The following AGAP1 variants were observed in gnomAD, a reference collection of about 807,000 sequenced individuals.
AGAP1 encodes ArfGAP with GTPase domain, ankyrin repeat and PH domain 1.
A neutral mutation model predicts 105.3 loss-of-function variants in AGAP1; 29 were observed. The observed-to-expected ratio is 0.28, with a 90% CI of 0.21 to 0.38. The LOEUF is 0.38. Among genes scored for constraint, AGAP1 ranks in the 10% least tolerant of loss-of-function variants. The pLI is 1.00. For missense variants in AGAP1, 998 were observed against 1,165.1 expected, an observed-to-expected ratio of 0.86 and a Z score of 2.09; for synonymous variants, 509 against 485.9, an observed-to-expected ratio of 1.05 and a Z score of -0.63.
At chr2:235,567,662 G>A (rs971375335) in intron 1 of AGAP1, among the ~76,000 whole-genome samples, 1 of 151,716 alleles carries the variant, frequency 6.6e-6, no homozygotes, top group African/African-American at 2.4e-5. Flanking sequence ...GGACTATTTA[G>A]AGGTCTAGGG....
rs570465272 is a variant in AGAP1 at position 235,648,097 on chromosome 2, G to A, written c.164-61082G>A. 4.6e-5 allele frequency among the ~76,000 whole-genome samples: 7 copies of A among 152,274 alleles called. No homozygotes were observed. In the South Asian group the frequency reaches 8.3e-4, roughly 18 times the overall value. ...GTAGGCTGGCGTTGAAAAGTTTTTA[G>A]CTTTAGCTAATTACATTGTGGGAGA... On this transcript the variant is annotated intron_variant, in intron 1 of 17. Coordinates refer to ENST00000304032, the MANE Select transcript of AGAP1 (RefSeq NM_001037131.3).
intron 1 of AGAP1, among the ~76,000 whole-genome samples, 174 bp downstream of exon 1, chr2:235,495,023 G>T (rs931361839): frequency 6.6e-6 from 1 of 151,874 alleles, no homozygotes; most frequent in African/African-American, 2.4e-5. Context: ...CGTCGCCTGC[G>T]CCCCGCCGCG....
Position 235,970,124 on chromosome 2 carries a change from C to T in AGAP1, c.1645+1501C>T, listed in dbSNP as rs2054578960. ...GGCTGAGGCAGGAGCATTGATTGAACCCAGGAGGTGGAGGTTGCAGTGAAC... is the reference window on the plus strand; with the variant it reads ...GGCTGAGGCAGGAGCATTGATTGAATCCAGGAGGTGGAGGTTGCAGTGAAC... On this transcript the variant is annotated intron_variant, in intron 13 of 17. Coordinates refer to ENST00000304032, the MANE Select transcript of AGAP1 (RefSeq NM_001037131.3). This position sits in a 1 kb window ranked among gnomAD's most constrained non-coding sequence, Gnocchi z 5.4. Among the ~76,000 whole-genome samples the T allele has an allele frequency of 6.6e-6, 1 of 150,704 alleles. No individual in the cohort carries two copies. The highest frequency in any genetic ancestry group is 1.5e-5 in the Non-Finnish European group (1 of 67,900).
In AGAP1 at chr2:236,046,047, C is replaced by T. The variant is rs1379937035; in HGVS notation, c.1892-3012C>T. 4.2e-6 allele frequency: 2 copies of T among 471,074 alleles called. No homozygotes were observed. Among genetic ancestry groups the T allele is most frequent in the Admixed American group, 4.7e-5 (2 of 42,570 alleles). 29.2% of individuals were successfully genotyped at this position (471,074 alleles called of 1,614,324 possible). ...CTGGGGGGAGGTAGGAGGGGGTGCA[C>T]CACGGTCTGAACGAGGGGCCAGCAT... On this transcript the variant is annotated intron_variant, in intron 15 of 17. Transcript: ENST00000304032. The surrounding 1 kb of genome is among the most constrained non-coding windows in gnomAD (Gnocchi z 5.2).
intron 16 of AGAP1, among the ~76,000 whole-genome samples, chr2:236,093,700 C>T (rs1188825816): frequency 6.6e-6 from 1 of 152,120 alleles, no homozygotes; most frequent in Non-Finnish European, 1.5e-5. Context: ...TGAATATGGA[C>T]CACATATCAG....
chr2:235,926,440 C>T (rs528975215), intron 11 of AGAP1, among the ~76,000 whole-genome samples: 37 of 152,280 alleles, frequency 2.4e-4, no homozygotes, highest in Non-Finnish European at 3.2e-4. Flanking sequence ...TGGCTCAGGT[C>T]GTGGACCACT....
chr2:235,979,604 G>A lies in AGAP1; in HGVS notation c.1645+10981G>A, dbSNP rs1019802634. 2.0e-5 allele frequency among the ~76,000 whole-genome samples: 3 copies of A among 152,146 alleles called. No homozygotes were observed. The highest frequency in any genetic ancestry group is 7.2e-5 in the African/African-American group (3 of 41,436). ...GAGCCAGTGAAAGAACAGGCGCAGC[G>A]AACGTTCCGGCAGGCATTGCCGTGC... is the stretch of plus-strand genomic sequence containing the variant. On this transcript the variant is annotated intron_variant, in intron 13 of 17. Coordinates refer to ENST00000304032, the MANE Select transcript of AGAP1 (RefSeq NM_001037131.3). This position sits in a 1 kb window ranked among gnomAD's most constrained non-coding sequence, Gnocchi z 4.5.
chr2:235,592,697 G>A (rs1356836852), intron 1 of AGAP1, among the ~76,000 whole-genome samples: 2 of 152,112 alleles, frequency 1.3e-5, no homozygotes, highest in African/African-American at 4.8e-5. Flanking sequence ...TGTCGCACAT[G>A]GAGATATGGG....
At chr2:235,589,617 C>G (rs1945263611) in intron 1 of AGAP1, among the ~76,000 whole-genome samples, 1 of 152,156 alleles carries the variant, frequency 6.6e-6, no homozygotes, top group Admixed American at 6.5e-5. Flanking sequence ...GTGGCTTGTC[C>G]TCTTTGGGAA....
intron 12 of AGAP1, among the ~76,000 whole-genome samples, chr2:235,968,226 TAGAAAA>T (rs2054486563): frequency 1.3e-5 from 2 of 152,300 alleles, no homozygotes; most frequent in Admixed American, 1.3e-4. Flanking sequence ...ATGCTGCTGA[TAGAAAA>T]AGAAATGCTT....
chr2:235,731,331 T>C (rs993158227), intron 3 of AGAP1, among the ~76,000 whole-genome samples: 8 of 152,224 alleles, frequency 5.3e-5, no homozygotes, highest in African/African-American at 1.7e-4. Context: ...GGTCTGACTT[T>C]AGGAACATGC....
rs1396564997 is a variant in AGAP1, at chr2:235,962,718, G to C, written c.1484-5744G>C. On this transcript the variant is annotated intron_variant, in intron 12 of 17. Transcript: ENST00000304032. This position sits in a 1 kb window ranked among gnomAD's most constrained non-coding sequence, Gnocchi z 5.3. ...ATGCAGACAGACCAAAATTCCAAAG[G>C]AGGTGTGTGCGAGAGGTTGAAAACT... Among the ~76,000 whole-genome samples the C allele has an allele frequency of 6.6e-6, 1 of 152,176 alleles. No individual in the cohort carries two copies. The highest frequency in any genetic ancestry group is 1.5e-5 in the Non-Finnish European group (1 of 68,030).
At chr2:235,800,722 A>G (rs1236439147) in intron 8 of AGAP1, among the ~76,000 whole-genome samples, 2 of 152,230 alleles carry the variant, frequency 1.3e-5, no homozygotes, top group Non-Finnish European at 2.9e-5. Context: ...GGGCTCTCAC[A>G]ACAGGAGTAT....
At position 235,971,723 on chromosome 2, in the gene AGAP1, C is replaced by T. The variant is rs1432399027; in HGVS notation, c.1645+3100C>T. On this transcript the variant is annotated intron_variant, in intron 13 of 17. Transcript: ENST00000304032. The surrounding 1 kb of genome is among the most constrained non-coding windows in gnomAD (Gnocchi z 4.8). Reference sequence around the variant, plus strand: ...AAAAAATCTGTTCTTGAAACTAAAGCTAGTTATATATGTTTTATTTTATTT... The same window carrying T: ...AAAAAATCTGTTCTTGAAACTAAAGTTAGTTATATATGTTTTATTTTATTT... 6.7e-6 allele frequency among the ~76,000 whole-genome samples: 1 copy of T among 149,206 alleles called. No homozygotes were observed. The highest frequency in any genetic ancestry group is 1.5e-5 in the Non-Finnish European group (1 of 67,790).
chr2:235,766,256 A>G (rs2149814337), intron 6 of AGAP1, among the ~76,000 whole-genome samples: 1 of 152,354 alleles, frequency 6.6e-6, no homozygotes, highest in East Asian at 1.9e-4. Context: ...ATAAAAATTC[A>G]CAGAGCGTTT....
chr2:235,814,082 C>G (rs1339630247), intron 9 of AGAP1, among the ~76,000 whole-genome samples: 1 of 152,162 alleles, frequency 6.6e-6, no homozygotes, highest in African/African-American at 2.4e-5. Flanking sequence ...CCACTAGGGT[C>G]TCGGGGTTTT....
intron 1 of AGAP1, among the ~76,000 whole-genome samples, chr2:235,498,129 A>T (rs1941401069): frequency 6.6e-6 from 1 of 152,162 alleles, no homozygotes; most frequent in Non-Finnish European, 1.5e-5. Context: ...CGATGGACTA[A>T]ACATATTTTA....
At position 235,877,716 on chromosome 2, in the gene AGAP1, A is replaced by C. The variant is rs565628496; in HGVS notation, c.1051-5629A>C. Among the ~76,000 whole-genome samples the C allele has an allele frequency of 6.6e-6, 1 of 152,318 alleles. No individual in the cohort carries two copies. The highest frequency in any genetic ancestry group is 2.4e-5 in the African/African-American group (1 of 41,574). On this transcript the variant is annotated intron_variant, in intron 9 of 17. Transcript: ENST00000304032. The surrounding 1 kb of genome is among the most constrained non-coding windows in gnomAD (Gnocchi z 4.3). ...AAAATTTAAAAATTCTCTTGGAGAA[A>C]TTATGGTTCCAGAGAAAATGACAGG...
chr2:235,899,063 G>A (rs1159096682), intron 10 of AGAP1, among the ~76,000 whole-genome samples: 1 of 152,206 alleles, frequency 6.6e-6, no homozygotes, highest in Non-Finnish European at 1.5e-5. Context: ...ATAGGCCTAG[G>A]TGGAAAGTTT....
Sources: gnomAD v4.1 joint callset for allele counts (sites outside exome capture counted in the v4.1 genomes callset) on GRCh38, gnomAD v4.1.1 for gene constraint, Gnocchi (gnomAD v3.1) non-coding constraint, MANE v1.5 for transcripts, NCBI Gene and HGNC (gene_info 2026-07-23, HGNC 2026-07-21) for gene names.